GPHN: variants seen among roughly 807,000 people sequenced by gnomAD.
GPHN encodes gephyrin.
GPHN carries 17 observed loss-of-function variants against 95.5 expected under a neutral mutation model. The ratio of observed to expected loss-of-function variants is 0.18; its 90% CI spans 0.12 to 0.27. GPHN has a LOEUF of 0.27. Among genes scored for constraint, GPHN ranks in the 10% least tolerant of loss-of-function variants. GPHN has a pLI of 1.00. For missense variants in GPHN, 660 were observed against 978.1 expected (o/e 0.67, Z 4.34); for synonymous variants, 320 against 322.5 (o/e 0.99, Z 0.08).
the GPHN span, among the ~76,000 whole-genome samples, chr14:67,556,232 C>T: frequency 3.3e-5 from 5 of 152,180 alleles, no homozygotes; most frequent in African/African-American, 9.7e-5. Flanking sequence ...TTAAAGGAGG[C>T]TTGCCTATCT....
the GPHN span, chr14:67,241,683 G>C: frequency 2.0e-5 from 3 of 152,330 alleles, no homozygotes; most frequent in African/African-American, 7.2e-5. Flanking sequence ...CAGCCAGGCG[G>C]GCTTCCTCAG....
the GPHN span, chr14:67,642,222 C>A: frequency 3.1e-6 from 5 of 1,614,130 alleles, no homozygotes; most frequent in South Asian, 5.5e-5. Flanking sequence ...TTGAGTTTTA[C>A]TCCAGTCCCC....
chr14:66,771,443 C>T (rs1024221524), intron 2 of GPHN, among the ~76,000 whole-genome samples: 4 of 152,138 alleles, frequency 2.6e-5, no homozygotes, highest in African/African-American at 7.2e-5. Context: ...AGTTAACCTG[C>T]GAGAACTCGC....
At chr14:67,636,836 T>C in the GPHN span, among the ~76,000 whole-genome samples, 9 of 152,218 alleles carry the variant, frequency 5.9e-5, no homozygotes, top group African/African-American at 2.2e-4. Context: ...ACATGAGAAC[T>C]TCCTTGAAAT....
intron 3 of GPHN, among the ~76,000 whole-genome samples, chr14:66,800,333 T>G (rs1013745960): frequency 3.9e-5 from 6 of 152,138 alleles, no homozygotes; most frequent in African/African-American, 1.4e-4. Context: ...TTACTGCTTT[T>G]TTTCTGATCG....
intron 10 of GPHN, among the ~76,000 whole-genome samples, chr14:67,027,514 A>T (rs987068638): frequency 2.6e-5 from 4 of 152,080 alleles, no homozygotes; most frequent in African/African-American, 9.7e-5. Flanking sequence ...TATTTTTAGT[A>T]GAGACAGGGT....
At chr14:67,519,737 T>C in the GPHN span, among the ~76,000 whole-genome samples, 7 of 152,068 alleles carry the variant, frequency 4.6e-5, no homozygotes, top group African/African-American at 1.7e-4. Context: ...TTTACTTTTT[T>C]TTTGAGACAG....
At chr14:66,723,238 A>G (rs1344384149) in intron 2 of GPHN, among the ~76,000 whole-genome samples, 2 of 151,904 alleles carry the variant, frequency 1.3e-5, no homozygotes, top group Non-Finnish European at 2.9e-5. Flanking sequence ...AAGACGAGTT[A>G]TAAAAAGTTT....
chr14:67,672,770 C>T, the GPHN span, among the ~76,000 whole-genome samples: 2 of 152,242 alleles, frequency 1.3e-5, no homozygotes, highest in Admixed American at 6.5e-5. Context: ...TCACATAAAT[C>T]AGATCCCACA....
chr14:66,854,675 TAA>T (rs1392669618), intron 4 of GPHN, among the ~76,000 whole-genome samples: 1 of 152,188 alleles, frequency 6.6e-6, no homozygotes, highest in Admixed American at 6.5e-5. Flanking sequence ...CTAAGTAATT[TAA>T]AAGTTTTCCA....
intron 1 of GPHN, among the ~76,000 whole-genome samples, chr14:66,627,726 C>G (rs2063576446): frequency 6.6e-6 from 1 of 152,012 alleles, no homozygotes; most frequent in Non-Finnish European, 1.5e-5. Flanking sequence ...TACTGATAAT[C>G]TGATGTACGT....
intron 2 of GPHN, among the ~76,000 whole-genome samples, chr14:66,697,079 T>A (rs1322481729): frequency 6.6e-6 from 1 of 152,238 alleles, no homozygotes; most frequent in African/African-American, 2.4e-5. Flanking sequence ...TTTGAATACA[T>A]GTGTAAATTT....
At chr14:67,537,819 C>T in the GPHN span, among the ~76,000 whole-genome samples, 1 of 152,214 alleles carries the variant, frequency 6.6e-6, no homozygotes, top group East Asian at 1.9e-4. Context: ...ACCTTCCCAC[C>T]CATCCTACTC....
At chr14:67,508,358 T>C in the GPHN span, among the ~76,000 whole-genome samples, 1 of 152,072 alleles carries the variant, frequency 6.6e-6, no homozygotes, top group Non-Finnish European at 1.5e-5. Flanking sequence ...TCATCTAGCA[T>C]TATTACCTGA....
intron 10 of GPHN, among the ~76,000 whole-genome samples, chr14:67,050,322 C>T (rs939509232): frequency 1.3e-5 from 2 of 152,118 alleles, no homozygotes; most frequent in African/African-American, 4.8e-5. Context: ...AAAATGACAG[C>T]AGAAAGCACT....
chr14:67,244,924 C>G, the GPHN span, among the ~76,000 whole-genome samples: 2 of 151,890 alleles, frequency 1.3e-5, no homozygotes. Flanking sequence ...ATCACAGAAT[C>G]TTTAAAAAAG....
chr14:67,109,118 ATTTG>A (rs1389330847), intron 13 of GPHN, among the ~76,000 whole-genome samples: 1 of 152,206 alleles, frequency 6.6e-6, no homozygotes, highest in Non-Finnish European at 1.5e-5. Flanking sequence ...TTATAATGGT[ATTTG>A]TTTATCAAAA....
At chr14:67,489,031 G>C in the GPHN span, among the ~76,000 whole-genome samples, 654 of 152,232 alleles carry the variant, frequency 4.3e-3, 5 homozygotes, top group African/African-American at 0.015. Flanking sequence ...CAGGGGACAG[G>C]GGACATGAGG....
chr14:66,952,833 T>C (rs1056315701), intron 8 of GPHN, among the ~76,000 whole-genome samples: 21 of 152,078 alleles, frequency 1.4e-4, no homozygotes, highest in African/African-American at 5.1e-4. Context: ...TAGCTAGGAT[T>C]ACAGGTGCCC....
Sources: gnomAD v4.1 joint callset for allele counts (sites outside exome capture counted in the v4.1 genomes callset) on GRCh38, gnomAD v4.1.1 for gene constraint, MANE v1.5 for transcripts, NCBI Gene and HGNC (gene_info 2026-07-23, HGNC 2026-07-21) for gene names.